LAMB1: variants seen among roughly 807,000 people sequenced by gnomAD.
LAMB1 encodes laminin subunit beta 1.
LAMB1 carries 121 observed loss-of-function variants against 222.3 expected under a neutral mutation model. The observed-to-expected ratio is 0.54, with a 90% CI of 0.47 to 0.63. LAMB1 has a LOEUF of 0.63. LAMB1 is among the 30% of genes least tolerant of loss of function. The pLI is 0.00. For missense variants in LAMB1, 2,172 were observed against 2,240.8 expected, an observed-to-expected ratio of 0.97 and a Z score of 0.62; for synonymous variants, 794 against 807.2, an observed-to-expected ratio of 0.98 and a Z score of 0.28.
At chr7:107,926,999 T>G (rs2032582002) in intron 31 of LAMB1, among the ~76,000 whole-genome samples, 1 of 152,200 alleles carries the variant, frequency 6.6e-6, no homozygotes, top group Non-Finnish European at 1.5e-5. Flanking sequence ...AAACATTGAC[T>G]TTTAAAAGCT....
At chr7:107,991,458 A>C (rs564474779) in intron 5 of LAMB1, among the ~76,000 whole-genome samples, 3 of 152,132 alleles carry the variant, frequency 2.0e-5, no homozygotes, top group African/African-American at 7.2e-5. Context: ...GTGGTGGTAC[A>C]TGCGTGTAAT....
At chr7:107,994,572 C>A (rs2034248883) in intron 5 of LAMB1, among the ~76,000 whole-genome samples, 1 of 152,146 alleles carries the variant, frequency 6.6e-6, no homozygotes, top group Non-Finnish European at 1.5e-5. Context: ...GATTTACTCT[C>A]CAGATGTTTT....
chr7:107,988,537 A>C (rs1392910464), intron 5 of LAMB1, among the ~76,000 whole-genome samples: 2 of 152,200 alleles, frequency 1.3e-5, no homozygotes, highest in African/African-American at 4.8e-5. Context: ...AGGAAAACAG[A>C]GTGGTGCCAG....
Position 107,923,806 on chromosome 7 carries a change from A to AAAAGC in LAMB1, c.*140_*144dup. ...GTAACAAGTACACCAAAATATATACAAAAGCACTGTACTTTATTTAACTCC... is the reference window on the plus strand; with the variant it reads ...GTAACAAGTACACCAAAATATATACAAAAGCAAAGCACTGTACTTTATTTAACTCC... On this transcript the variant is annotated 3_prime_UTR_variant, in exon 34 of 34. Coordinates refer to ENST00000222399, the MANE Select transcript of LAMB1 (RefSeq NM_002291.3). 1 of 719,710 alleles carries AAAAGC rather than the reference A, an allele frequency of 1.4e-6. No homozygotes were observed. Among genetic ancestry groups the AAAAGC allele is most frequent in the Non-Finnish European group, 2.2e-6 (1 of 460,520 alleles). 44.6% of individuals were successfully genotyped at this position (719,710 alleles called of 1,614,324 possible).
intron 30 of LAMB1, 94 bp downstream of exon 30, chr7:107,929,318 G>C (rs903325672): frequency 6.7e-7 from 1 of 1,497,012 alleles, no homozygotes; most frequent in African/African-American, 1.4e-5. Context: ...GACTCGCATA[G>C]GTCCTTCTTA....
chr7:107,980,588 G>T, intron 8 of LAMB1, 21 bp downstream of exon 8: 1 of 1,587,584 alleles, frequency 6.3e-7, no homozygotes, highest in Non-Finnish European at 8.6e-7. Context: ...AAGGAGAAAG[G>T]TGCACAGAGG....
At chr7:107,973,986 TTG>T (rs2033802936) in intron 12 of LAMB1, among the ~76,000 whole-genome samples, 6 of 152,142 alleles carry the variant, frequency 3.9e-5, no homozygotes, top group African/African-American at 1.4e-4. Flanking sequence ...AGATGGGGTC[TTG>T]CTGGTCTCAA....
intron 27 of LAMB1, among the ~76,000 whole-genome samples, chr7:107,933,629 A>G (rs1342217808): frequency 6.6e-6 from 1 of 152,008 alleles, no homozygotes; most frequent in South Asian, 2.1e-4. Flanking sequence ...GTATGGCTCT[A>G]GCTAAACATC....
chr7:107,931,266 G>T, intron 29 of LAMB1, 90 bp downstream of exon 29: 98 of 1,047,862 alleles, frequency 9.4e-5, no homozygotes, highest in Middle Eastern at 2.7e-4. Flanking sequence ...ATGTCACTTA[G>T]TACCCTGACA....
Position 107,986,374 on chromosome 7 carries a change from G to A in LAMB1, c.424-11C>T, listed in dbSNP as rs1414325446. On this transcript the variant is annotated splice_polypyrimidine_tract_variant and intron_variant, in intron 5 of 33. Coordinates refer to ENST00000222399, the MANE Select transcript of LAMB1 (RefSeq NM_002291.3). Reference sequence around the variant, plus strand: ...AGCTGGACGGAATGTCTAAAGGCAGGAGCAAAAATCTCATTTGATGTTTTT... The same window carrying A: ...AGCTGGACGGAATGTCTAAAGGCAGAAGCAAAAATCTCATTTGATGTTTTT... 1.3e-6 allele frequency: 2 copies of A among 1,553,336 alleles called. No homozygotes were observed. The highest frequency in any genetic ancestry group is 1.4e-5 in the African/African-American group (1 of 72,466).
At chr7:107,931,715 C>T (rs1193949633) in intron 28 of LAMB1, 9 of 549,164 alleles carry the variant, frequency 1.6e-5, no homozygotes, top group Non-Finnish European at 2.8e-5. Context: ...ATAAATAGAA[C>T]TAGCATTTAA....
At chr7:107,929,282 A>G in intron 30 of LAMB1, 77 bp from the exon 31 acceptor site, 1 of 1,562,272 alleles carries the variant, frequency 6.4e-7, no homozygotes, top group Non-Finnish European at 8.8e-7. Context: ...TCTTTAAAGA[A>G]TAGCCTTCCT....
chr7:107,988,736 A>G (rs2034128123), intron 5 of LAMB1, among the ~76,000 whole-genome samples: 1 of 152,208 alleles, frequency 6.6e-6, no homozygotes, highest in Non-Finnish European at 1.5e-5. Flanking sequence ...TGGTGTCCTT[A>G]TAAGAACAGA....
At position 107,992,047 on chromosome 7, in the gene LAMB1, T is replaced by G. The variant is rs965530143; in HGVS notation, c.423+2840A>C. ...TTTCTACTTTCCTTTCCTTTCCTTC[T>G]CTCACTACCCCAAACTCGAGGCAAA... On this transcript the variant is annotated intron_variant, in intron 5 of 33. Transcript: ENST00000222399. 4.6e-5 allele frequency among the ~76,000 whole-genome samples: 7 copies of G among 152,224 alleles called. No homozygotes were observed. The South Asian group carries it at 1.5e-3, about 32-fold the overall frequency.
rs143969647 is a variant in LAMB1 at position 107,960,882 on chromosome 7, T to C, written c.2110-233A>G. On this transcript the variant is annotated intron_variant, in intron 17 of 33. Transcript: ENST00000222399. ...ATGCTATTTATTTTTATTTTAGAGA[T>C]GGGGTCTTGCTTTGTCGCCCAGGCT... 5.5e-3 allele frequency among the ~76,000 whole-genome samples: 842 copies of C among 152,328 alleles called. 3 individuals carry two copies. Among genetic ancestry groups the C allele is most frequent in the Non-Finnish European group, 9.0e-3 (612 of 68,024 alleles).
intron 18 of LAMB1, 124 bp downstream of exon 18, chr7:107,960,321 G>A: frequency 1.5e-6 from 1 of 656,830 alleles, no homozygotes; most frequent in Non-Finnish European, 2.7e-6. Flanking sequence ...AACTGTAACT[G>A]AGACACTATT....
intron 5 of LAMB1, among the ~76,000 whole-genome samples, chr7:107,989,712 G>T (rs1232549952): frequency 6.6e-6 from 1 of 152,200 alleles, no homozygotes; most frequent in African/African-American, 2.4e-5. Flanking sequence ...TGAGAGCCTG[G>T]CTGGGAGGCT....
intron 19 of LAMB1, 89 bp from the exon 20 acceptor site, chr7:107,959,569 A>G: frequency 6.2e-7 from 1 of 1,607,298 alleles, no homozygotes; most frequent in Non-Finnish European, 8.5e-7. Flanking sequence ...CCCAATTCAG[A>G]ATGCTCATGG....
intron 32 of LAMB1, among the ~76,000 whole-genome samples, chr7:107,925,032 AATTTGTGTCCTC>A (rs888303257): frequency 1.3e-5 from 2 of 152,142 alleles, no homozygotes; most frequent in African/African-American, 4.8e-5. Context: ...GTACTTGAGA[AATTTGTGTCCTC>A]AGTACTGCAG....
Sources: gnomAD v4.1 joint callset for allele counts (sites outside exome capture counted in the v4.1 genomes callset) on GRCh38, gnomAD v4.1.1 for gene constraint, MANE v1.5 for transcripts, NCBI Gene and HGNC (gene_info 2026-07-23, HGNC 2026-07-21) for gene names.